Variants in DCC observed in about 807,000 individuals in gnomAD.
DCC encodes DCC netrin 1 receptor, also known as netrin receptor DCC.
DCC carries 58 observed loss-of-function variants against 172.5 expected under a neutral mutation model. The observed-to-expected ratio is 0.34, with a 90% CI of 0.27 to 0.42. DCC has a LOEUF of 0.42. Ranked by LOEUF, DCC falls within the 10% of genes least tolerant of loss-of-function variation. The pLI is 1.00. For synonymous variants in DCC, 709 were observed against 644.5 expected, an observed-to-expected ratio of 1.10 and a Z score of -1.52; for missense variants, 1,740 against 1,791.0, an observed-to-expected ratio of 0.97 and a Z score of 0.51.
In DCC at chr18:53,531,982, A is replaced by G. The variant is rs2046529862; in HGVS notation, c.*1329A>G. Reference sequence around the variant, plus strand: ...TATCTACAGCTTGGAACTAGCTAAAATTAAGAACATTTTGTATGCAGCATT... The same window carrying G: ...TATCTACAGCTTGGAACTAGCTAAAGTTAAGAACATTTTGTATGCAGCATT... On this transcript the variant is annotated 3_prime_UTR_variant, in exon 29 of 29. Transcript: ENST00000442544. 2.0e-5 allele frequency: 3 copies of G among 152,194 alleles called. No individual in the cohort carries two copies. Among genetic ancestry groups the G allele is most frequent in the Admixed American group, 1.3e-4 (2 of 15,284 alleles). 9.4% of individuals were successfully genotyped at this position (152,194 alleles called of 1,614,324 possible).
intron 2 of DCC, among the ~76,000 whole-genome samples, chr18:52,829,530 G>A (rs981505657): frequency 3.3e-5 from 5 of 152,158 alleles, no homozygotes; most frequent in African/African-American, 1.2e-4. Flanking sequence ...TGATTCACTT[G>A]GCAAGTGGAA....
At chr18:52,987,231 C>G (rs559515737) in intron 5 of DCC, among the ~76,000 whole-genome samples, 2 of 152,272 alleles carry the variant, frequency 1.3e-5, no homozygotes, top group African/African-American at 4.8e-5. Flanking sequence ...CAGGTTTTCA[C>G]CAGACAAGGA....
intron 1 of DCC, among the ~76,000 whole-genome samples, chr18:52,727,170 T>C (rs2036564593): frequency 6.6e-6 from 1 of 152,134 alleles, no homozygotes; most frequent in African/African-American, 2.4e-5. Flanking sequence ...AAGTGATTGG[T>C]TATGGAAATG....
chr18:52,971,764 CT>C (rs1246317949), intron 5 of DCC, among the ~76,000 whole-genome samples: 3 of 152,172 alleles, frequency 2.0e-5, no homozygotes, highest in Non-Finnish European at 4.4e-5. Flanking sequence ...TGAAAACCTC[CT>C]AAGGCAGAGA....
chr18:52,592,738 A>T lies in DCC; in HGVS notation c.92-159316A>T, dbSNP rs554376942. 3.3e-5 allele frequency among the ~76,000 whole-genome samples: 5 copies of T among 152,312 alleles called. No individual in the cohort carries two copies. In the East Asian group the frequency reaches 9.7e-4, roughly 29 times the overall value. ...AACGTCCGCCTCCTGGATTCAAGCT[A>T]TTCTCGTGCCTCAGACTCCCGAATA... On this transcript the variant is annotated intron_variant, in intron 1 of 28. Coordinates refer to ENST00000442544, the MANE Select transcript of DCC (RefSeq NM_005215.4).
At chr18:53,194,809 G>GC (rs2055419865) in intron 9 of DCC, among the ~76,000 whole-genome samples, 1 of 152,236 alleles carries the variant, frequency 6.6e-6, no homozygotes, top group East Asian at 1.9e-4. Flanking sequence ...CAGAACTTGG[G>GC]CCACATCCTT....
chr18:52,815,451 G>A (rs1015929651), intron 2 of DCC, among the ~76,000 whole-genome samples: 67 of 149,336 alleles, frequency 4.5e-4, no homozygotes, highest in African/African-American at 1.6e-3. Flanking sequence ...CTCTCTCCAC[G>A]TCCCACCACC....
At chr18:53,265,269 A>G (rs1468831768) in intron 12 of DCC, among the ~76,000 whole-genome samples, 1 of 152,198 alleles carries the variant, frequency 6.6e-6, no homozygotes, top group Non-Finnish European at 1.5e-5. Flanking sequence ...CTTAGCTATA[A>G]CCTGGCTCAA....
At chr18:52,867,634 T>A (rs2039249201) in intron 2 of DCC, among the ~76,000 whole-genome samples, 1 of 152,190 alleles carries the variant, frequency 6.6e-6, no homozygotes, top group African/African-American at 2.4e-5. Context: ...TCCAGGAATT[T>A]ATCCATTTCT....
chr18:52,889,152 G>C (rs868365085), intron 2 of DCC, among the ~76,000 whole-genome samples: 61 of 152,108 alleles, frequency 4.0e-4, no homozygotes, highest in African/African-American at 1.4e-3. Context: ...TATGGAACTA[G>C]GAATTGGAGA....
At chr18:53,340,591 A>T (rs980424595) in intron 15 of DCC, among the ~76,000 whole-genome samples, 1 of 152,102 alleles carries the variant, frequency 6.6e-6, no homozygotes, top group Non-Finnish European at 1.5e-5. Flanking sequence ...TTCATTGAAA[A>T]CGTGTTCATT....
At chr18:52,441,334 G>A (rs1987963517) in intron 1 of DCC, among the ~76,000 whole-genome samples, 1 of 152,108 alleles carries the variant, frequency 6.6e-6, no homozygotes, top group African/African-American at 2.4e-5. Context: ...TGTTTATATT[G>A]ATTTTTGCGT....
At chr18:53,292,087 T>C (rs1486486889) in intron 12 of DCC, among the ~76,000 whole-genome samples, 2 of 150,020 alleles carry the variant, frequency 1.3e-5, no homozygotes, top group Non-Finnish European at 3.0e-5. Context: ...TGCTTTCTTT[T>C]CATGTCTTTT....
chr18:52,925,197 A>T, intron 4 of DCC, 37 bp from the exon 5 acceptor site: 1 of 1,601,696 alleles, frequency 6.2e-7, no homozygotes, highest in Non-Finnish European at 8.5e-7. Flanking sequence ...ATATATACAT[A>T]TGTTAATTTA....
chr18:53,471,189 G>A (rs1412556963), intron 25 of DCC, among the ~76,000 whole-genome samples: 1 of 152,022 alleles, frequency 6.6e-6, no homozygotes, highest in African/African-American at 2.4e-5. Context: ...GTACATAGTA[G>A]GTATATATAT....
chr18:52,431,383 C>A (rs1004585885), intron 1 of DCC, among the ~76,000 whole-genome samples: 4 of 152,004 alleles, frequency 2.6e-5, no homozygotes, highest in African/African-American at 7.2e-5. Context: ...AGTGAATGAA[C>A]ATTCCTTGGG....
At chr18:53,314,805 A>T (rs1333436162) in intron 13 of DCC, among the ~76,000 whole-genome samples, 1 of 152,250 alleles carries the variant, frequency 6.6e-6, no homozygotes, top group East Asian at 1.9e-4. Flanking sequence ...TCTCTACAGG[A>T]TGCTAAAACT....
intron 2 of DCC, among the ~76,000 whole-genome samples, chr18:52,869,946 G>C (rs1488872792): frequency 1.3e-5 from 2 of 152,204 alleles, no homozygotes; most frequent in African/African-American, 4.8e-5. Context: ...GACAGGGAGG[G>C]CAGGGCTACA....
chr18:53,319,393 GC>G (rs1241347244), intron 13 of DCC, among the ~76,000 whole-genome samples: 1 of 151,814 alleles, frequency 6.6e-6, no homozygotes, highest in African/African-American at 2.4e-5. Context: ...ACACACATAG[GC>G]TCAAAATAAA....
Sources: gnomAD v4.1 joint callset for allele counts (sites outside exome capture counted in the v4.1 genomes callset) on GRCh38, gnomAD v4.1.1 for gene constraint, MANE v1.5 for transcripts, NCBI Gene and HGNC (gene_info 2026-07-23, HGNC 2026-07-21) for gene names.